The following USP30 variants were observed in gnomAD, a reference collection of about 807,000 sequenced individuals.
USP30 encodes ubiquitin carboxyl-terminal hydrolase 30.
USP30 carries 41 observed loss-of-function variants against 68.2 expected under a neutral mutation model. That is an observed-to-expected ratio of 0.60 (90% CI 0.47 to 0.78). The LOEUF (loss-of-function observed/expected upper bound fraction) is 0.78. Ranked by LOEUF, USP30 falls within the 30% of genes least tolerant of loss-of-function variation. USP30 has a pLI of 0.00. For missense variants in USP30, 522 were observed against 649.4 expected (o/e 0.80, Z 2.13); for synonymous variants, 229 against 253.7 (o/e 0.90, Z 0.93).
At chr12:109,058,352 C>G (rs1013121488) in intron 3 of USP30, among the ~76,000 whole-genome samples, 1 of 152,200 alleles carries the variant, frequency 6.6e-6, no homozygotes, top group Non-Finnish European at 1.5e-5. Context: ...AGGTGGATCA[C>G]GAGGTCAGGA....
At chr12:109,060,125 T>A (rs1373508650) in intron 3 of USP30, 3 of 152,016 alleles carry the variant, frequency 2.0e-5, no homozygotes, top group Non-Finnish European at 4.4e-5. Context: ...TTTATGAAAT[T>A]TTTTTTTAAT....
At position 109,080,634 on chromosome 12, in the gene USP30, T is replaced by C. The variant is rs1487343838; in HGVS notation, c.721-700T>C. Among the ~76,000 whole-genome samples, 5 of 152,240 alleles carry C rather than the reference T, an allele frequency of 3.3e-5. No homozygotes were observed. The East Asian group carries it at 9.6e-4, about 29-fold the overall frequency. On this transcript the variant is annotated intron_variant, in intron 7 of 12. Coordinates refer to ENST00000257548, the MANE Select transcript of USP30 (RefSeq NM_032663.5). ...TGTTTCATTCTGTGGACATGCCATA[T>C]AATTTATTAAACCATTTGCTAGAAC...
rs527466293 is a variant in USP30, at chr12:109,070,078, C to T, written c.481-1534C>T. Among the ~76,000 whole-genome samples, 46 of 152,046 alleles carry T rather than the reference C, an allele frequency of 3.0e-4. No individual in the cohort carries two copies. Among genetic ancestry groups the T allele is most frequent in the Admixed American group, 7.9e-4 (12 of 15,272 alleles). ...GCATCAGCTTCTATTGTGTTTGCAG[C>T]GGGGAGCCACTAGAGGACTTTGAAC... On this transcript the variant is annotated intron_variant, in intron 4 of 12. Coordinates refer to ENST00000257548, the MANE Select transcript of USP30 (RefSeq NM_032663.5). This position sits in a 1 kb window ranked among gnomAD's most constrained non-coding sequence, Gnocchi z 4.0.
intron 4 of USP30, among the ~76,000 whole-genome samples, chr12:109,069,383 C>G (rs778600568): frequency 2.0e-5 from 3 of 152,236 alleles, no homozygotes; most frequent in Admixed American, 1.3e-4. Flanking sequence ...CTGTACAGGG[C>G]TGCACCTCTG....
chr12:109,053,115 T>C (rs1012510649), intron 1 of USP30: 2 of 197,040 alleles, frequency 1.0e-5, no homozygotes. Context: ...TCAATCCTTC[T>C]AGTATACCCC....
intron 7 of USP30, among the ~76,000 whole-genome samples, chr12:109,079,176 C>T (rs2041704905): frequency 6.6e-6 from 1 of 151,688 alleles, no homozygotes. Flanking sequence ...AGATTTTATG[C>T]CCATTTTTCA....
intron 3 of USP30, among the ~76,000 whole-genome samples, chr12:109,047,359 T>C (rs572999963): frequency 1.3e-5 from 2 of 152,202 alleles, no homozygotes; most frequent in African/African-American, 4.8e-5. Flanking sequence ...AGCGGATCAA[T>C]GGGAAAAAAC....
chr12:109,040,396 C>T (rs1472607205), intron 3 of USP30, among the ~76,000 whole-genome samples: 1 of 152,122 alleles, frequency 6.6e-6, no homozygotes, highest in Non-Finnish European at 1.5e-5. Flanking sequence ...GGTATAAAGT[C>T]CACATTTTGA....
chr12:109,055,458 A>C (rs1392011853), intron 1 of USP30, among the ~76,000 whole-genome samples: 1 of 118,360 alleles, frequency 8.4e-6, no homozygotes, highest in African/African-American at 3.0e-5. Context: ...GCTGGAGTGC[A>C]GTGGCGCAAT....
intron 4 of USP30, among the ~76,000 whole-genome samples, chr12:109,069,410 TA>T (rs1430871692): frequency 6.6e-6 from 1 of 152,226 alleles, no homozygotes; most frequent in Non-Finnish European, 1.5e-5. Flanking sequence ...CGTTGGCTAA[TA>T]GCTAGGCTGC....
intron 7 of USP30, among the ~76,000 whole-genome samples, chr12:109,077,358 AT>A (rs932644923): frequency 3.3e-5 from 5 of 151,908 alleles, no homozygotes; most frequent in Non-Finnish European, 2.9e-5. Context: ...ATTTCTGCTA[AT>A]TTTTTTTAAA....
At chr12:109,059,121 G>T (rs1180253721) in intron 3 of USP30, among the ~76,000 whole-genome samples, 1 of 152,204 alleles carries the variant, frequency 6.6e-6, no homozygotes, top group East Asian at 1.9e-4. Flanking sequence ...TGGCTGAATG[G>T]TAGCCCCCAA....
chr12:109,053,682 T>TGACCTCATAGCA (rs1323281399), intron 1 of USP30: 1 of 209,862 alleles, frequency 4.8e-6, no homozygotes, highest in African/African-American at 2.3e-5. Flanking sequence ...GCCCCATAGC[T>TGACCTCATAGCA]GACCTCATAG....
chr12:109,082,653 T>C lies in USP30; in HGVS notation c.868-10T>C. 1.9e-6 allele frequency: 3 copies of C among 1,613,836 alleles called. No individual in the cohort carries two copies. Among genetic ancestry groups the C allele is most frequent in the Middle Eastern group, 1.7e-4 (1 of 6,058 alleles). ...GGCATTGCTGCAGAGAAATGTTCCT[T>C]TTATTTCAGATTGAAGCCAAGGGAA... On this transcript the variant is annotated splice_polypyrimidine_tract_variant and intron_variant, in intron 9 of 12. Coordinates refer to ENST00000257548, the MANE Select transcript of USP30 (RefSeq NM_032663.5).
Position 109,038,352 on chromosome 12 carries a change from T to G in USP30, c.-135-9238T>G, listed in dbSNP as rs547062972. ...ACATAATCTCATTCATTTTTATGGTTGCATAGTATTCCATGGTGTATATGT... is the reference window on the plus strand; with the variant it reads ...ACATAATCTCATTCATTTTTATGGTGGCATAGTATTCCATGGTGTATATGT... On this transcript the variant is annotated intron_variant, in intron 3 of 15. Coordinates refer to the USP30 transcript ENST00000392784. Among the ~76,000 whole-genome samples, 3 of 152,306 alleles carry G rather than the reference T, an allele frequency of 2.0e-5. No individual in the cohort carries two copies. In the South Asian group the frequency reaches 6.2e-4, roughly 32 times the overall value.
intron 3 of USP30, among the ~76,000 whole-genome samples, chr12:109,061,027 C>G (rs2135731413): frequency 6.6e-6 from 1 of 152,034 alleles, no homozygotes; most frequent in African/African-American, 2.4e-5. Flanking sequence ...TCAAGTGATC[C>G]TCCCATCTTG....
chr12:109,057,778 G>C (rs2040921564), intron 2 of USP30, 148 bp from the exon 3 acceptor site: 1 of 854,256 alleles, frequency 1.2e-6, no homozygotes, highest in Non-Finnish European at 1.8e-6. Flanking sequence ...CAGATAGAAG[G>C]CCTGGCCCCA....
chr12:109,083,583 G>T (rs1438023810), intron 11 of USP30, among the ~76,000 whole-genome samples: 2 of 152,152 alleles, frequency 1.3e-5, no homozygotes, highest in Non-Finnish European at 2.9e-5. Flanking sequence ...GAACATGGAG[G>T]CTCCACGGGG....
intron 11 of USP30, among the ~76,000 whole-genome samples, chr12:109,083,397 T>C (rs1285141511): frequency 1.3e-5 from 2 of 152,196 alleles, no homozygotes; most frequent in East Asian, 3.9e-4. Flanking sequence ...TTTTCGGTCA[T>C]GTCATTTCCT....
Sources: gnomAD v4.1 joint callset for allele counts (sites outside exome capture counted in the v4.1 genomes callset) on GRCh38, gnomAD v4.1.1 for gene constraint, Gnocchi (gnomAD v3.1) non-coding constraint, MANE v1.5 for transcripts, NCBI Gene and HGNC (gene_info 2026-07-23, HGNC 2026-07-21) for gene names.